The following TRRAP variants were observed in gnomAD, a reference collection of about 807,000 sequenced individuals.
TRRAP encodes transformation/transcription domain-associated protein.
Under a neutral mutation model 438.8 loss-of-function variants are expected in TRRAP, and 41 were observed. The observed-to-expected ratio is 0.09, with a 90% CI of 0.07 to 0.12. The LOEUF is 0.12. TRRAP is among the 10% of genes least tolerant of loss of function. The pLI, the probability that TRRAP is intolerant of heterozygous loss-of-function variation, is 1.00. For synonymous variants in TRRAP, 1,994 were observed against 1,962.9 expected, an observed-to-expected ratio of 1.02 and a Z score of -0.42; for missense variants, 3,122 against 5,055.1, an observed-to-expected ratio of 0.62 and a Z score of 11.60.
In TRRAP at chr7:98,994,467, C is replaced by T; in HGVS notation, c.10048-120C>T. 7.0e-7 allele frequency: 1 copy of T among 1,420,698 alleles called. No homozygotes were observed. The highest frequency in any genetic ancestry group is 2.3e-5 in the East Asian group (1 of 43,796). 88.0% of individuals were successfully genotyped at this position (1,420,698 alleles called of 1,614,324 possible). On this transcript the variant is annotated intron_variant, in intron 66 of 72. Coordinates refer to ENST00000456197, the MANE Select transcript of TRRAP (RefSeq NM_001375524.1). The surrounding 1 kb of genome is among the most constrained non-coding windows in gnomAD (Gnocchi z 4.8). ...ATTTCATGCCTGCTGTGTGTGGGTC[C>T]TGCCGGGGAGTGCAGAGATGACCCT...
chr7:98,908,209 C>G lies in TRRAP; in HGVS notation c.1116-519C>G, dbSNP rs1482316123. 6.6e-6 allele frequency among the ~76,000 whole-genome samples: 1 copy of G among 152,206 alleles called. No homozygotes were observed. The highest frequency in any genetic ancestry group is 2.4e-5 in the African/African-American group (1 of 41,450). On this transcript the variant is annotated intron_variant, in intron 13 of 72. Transcript: ENST00000456197. This position sits in a 1 kb window ranked among gnomAD's most constrained non-coding sequence, Gnocchi z 4.1. ...TAGCTTATTTCTTTACTTGTGTGTT[C>G]TCTGCTGTAAGTAAGCTTCCTGAGG...
At chr7:98,958,219 C>A (rs1455243233) in intron 44 of TRRAP, 128 bp downstream of exon 44, 2 of 757,936 alleles carry the variant, frequency 2.6e-6, no homozygotes, top group Non-Finnish European at 2.1e-6. Flanking sequence ...CCAGCTGGTT[C>A]TGTCATTTTC....
chr7:99,011,940 T>C lies in TRRAP; in HGVS notation c.11338-131T>C. The C allele has an allele frequency of 2.5e-6, 3 of 1,202,748 alleles. No individual in the cohort carries two copies. The highest frequency in any genetic ancestry group is 3.5e-6 in the Non-Finnish European group (3 of 866,316). 74.5% of individuals were successfully genotyped at this position (1,202,748 alleles called of 1,614,324 possible). Reference sequence around the variant, plus strand: ...CGTCCTGAGGGCACACAGCCTGGCCTGGTGCTGAAACTCGACTGGCCCTTG... The same window carrying C: ...CGTCCTGAGGGCACACAGCCTGGCCCGGTGCTGAAACTCGACTGGCCCTTG... On this transcript the variant is annotated intron_variant, in intron 72 of 72. Transcript: ENST00000456197. This position sits in a 1 kb window ranked among gnomAD's most constrained non-coding sequence, Gnocchi z 7.1.
intron 3 of TRRAP, among the ~76,000 whole-genome samples, chr7:98,883,248 T>G (rs1795543697): frequency 6.6e-6 from 1 of 152,210 alleles, no homozygotes. Context: ...CTTGCTGGGT[T>G]TTTCTTAGAA....
At chr7:98,893,703 G>C in intron 5 of TRRAP, 95 bp from the exon 6 acceptor site, 3 of 1,075,404 alleles carry the variant, frequency 2.8e-6, no homozygotes, top group Non-Finnish European at 4.2e-6. Flanking sequence ...TCCAATAGTT[G>C]GTTGATGGAA....
Position 99,005,188 on chromosome 7 carries a change from C to T in TRRAP, c.10593C>T (p.Tyr3531=), listed in dbSNP as rs201466812. The T allele has an allele frequency of 1.3e-5, 21 of 1,613,684 alleles. No individual in the cohort carries two copies. The highest frequency in any genetic ancestry group is 5.5e-5 in the South Asian group (5 of 91,082). The change falls in exon 69 of 73, where the codon TAC becomes TAT. Residue 3531 remains tyrosine, a synonymous_variant. Transcript: ENST00000456197. The surrounding 1 kb of genome is among the most constrained non-coding windows in gnomAD (Gnocchi z 5.1). ...QKHNTAARRL[Y]IRGHNGKIYP... is the part of the protein sequence containing the mutation. The stretch of plus-strand genomic sequence containing the variant: ...ACAACACCGCAGCCCGGCGGCTGTA[C>T]ATCCGGGGACACAATGGCAAGATCT...
chr7:98,954,086 G>A (rs949471777), intron 40 of TRRAP, among the ~76,000 whole-genome samples: 20 of 152,184 alleles, frequency 1.3e-4, no homozygotes, highest in African/African-American at 3.1e-4. Context: ...TTTTGGATCC[G>A]TATCTCATGA....
Position 99,012,390 on chromosome 7 carries a change from C to T in TRRAP, c.*35C>T, listed in dbSNP as rs781251503. ...CCACGGCCACCCGGAATGTGAAGGGCGCTCCGGGCTCTGAGCCCGCAGCTT... is the reference window on the plus strand; with the variant it reads ...CCACGGCCACCCGGAATGTGAAGGGTGCTCCGGGCTCTGAGCCCGCAGCTT... On this transcript the variant is annotated 3_prime_UTR_variant, in exon 73 of 73. Transcript: ENST00000456197. This position sits in a 1 kb window ranked among gnomAD's most constrained non-coding sequence, Gnocchi z 5.9. The T allele has an allele frequency of 1.9e-5, 29 of 1,549,458 alleles. No homozygotes were observed. Among genetic ancestry groups the T allele is most frequent in the South Asian group, 9.5e-5 (8 of 84,556 alleles).
chr7:98,937,332 GTA>G, intron 29 of TRRAP, 55 bp downstream of exon 29: 2 of 1,571,346 alleles, frequency 1.3e-6, no homozygotes, highest in Non-Finnish European at 1.7e-6. Context: ...ACATGTGTGT[GTA>G]CTCTGCATTA....
Position 98,948,747 on chromosome 7 carries a change from T to C in TRRAP, c.4788+62T>C. On this transcript the variant is annotated intron_variant, in intron 35 of 72. Coordinates refer to ENST00000456197, the MANE Select transcript of TRRAP (RefSeq NM_001375524.1). The surrounding 1 kb of genome is among the most constrained non-coding windows in gnomAD (Gnocchi z 4.9). ...CAAATGCTTGTGAGCTGTCGTGCTCTGAAATGTTCAGTTCATATTTCACTA... is the reference window on the plus strand; with the variant it reads ...CAAATGCTTGTGAGCTGTCGTGCTCCGAAATGTTCAGTTCATATTTCACTA... 1 of 1,610,784 alleles carries C rather than the reference T, an allele frequency of 6.2e-7. No individual in the cohort carries two copies. Among genetic ancestry groups the C allele is most frequent in the Non-Finnish European group, 8.5e-7 (1 of 1,178,680 alleles).
chr7:98,948,694 T>C lies in TRRAP; in HGVS notation c.4788+9T>C. ...GGAGCAGAATGTTTATGGTAAGAGC[T>C]GTGAGCAGCTGGAGTCAGGGGTCCC... On this transcript the variant is annotated intron_variant, in intron 35 of 72. Coordinates refer to ENST00000456197, the MANE Select transcript of TRRAP (RefSeq NM_001375524.1). The surrounding 1 kb of genome is among the most constrained non-coding windows in gnomAD (Gnocchi z 4.9). 1 of 1,614,192 alleles carries C rather than the reference T, an allele frequency of 6.2e-7. No homozygotes were observed. The highest frequency in any genetic ancestry group is 8.5e-7 in the Non-Finnish European group (1 of 1,180,040).
At chr7:98,928,068 G>A (rs951843023) in intron 23 of TRRAP, among the ~76,000 whole-genome samples, 13 of 152,012 alleles carry the variant, frequency 8.6e-5, no homozygotes, top group African/African-American at 3.1e-4. Flanking sequence ...GAGAAATCCC[G>A]TCTCTACTAA....
intron 51 of TRRAP, among the ~76,000 whole-genome samples, chr7:98,968,371 G>A (rs992822337): frequency 1.3e-5 from 2 of 152,202 alleles, no homozygotes; most frequent in Admixed American, 6.5e-5. Flanking sequence ...GCCTGACCAC[G>A]CTGTCGGTTT....
intron 67 of TRRAP, among the ~76,000 whole-genome samples, chr7:99,000,537 ACT>A (rs1481271669): frequency 6.6e-6 from 1 of 152,110 alleles, no homozygotes; most frequent in Non-Finnish European, 1.5e-5. Flanking sequence ...TCCAGGCCAC[ACT>A]CTGCGCACTC....
chr7:98,903,840 A>G (rs1796583047), intron 12 of TRRAP, among the ~76,000 whole-genome samples: 3 of 152,140 alleles, frequency 2.0e-5, no homozygotes, highest in Admixed American at 2.0e-4. Flanking sequence ...TCTTACGTGG[A>G]TGGTGGCCCG....
At chr7:99,008,013 A>G (rs1049990889) in intron 69 of TRRAP, among the ~76,000 whole-genome samples, 1 of 151,278 alleles carries the variant, frequency 6.6e-6, no homozygotes, top group African/African-American at 2.4e-5. Context: ...TTTAGTAGAG[A>G]CGAGGTTTCA....
Position 99,008,576 on chromosome 7 carries a change from G to A in TRRAP, c.10938+15G>A, listed in dbSNP as rs559501909. On this transcript the variant is annotated intron_variant, in intron 70 of 72. Transcript: ENST00000456197. ...CCAGCCACCAGGTAGCAGTGGGGCCGGGCCGGGGGCCGAGCTGCCGCCTGC... is the reference window on the plus strand; with the variant it reads ...CCAGCCACCAGGTAGCAGTGGGGCCAGGCCGGGGGCCGAGCTGCCGCCTGC... 9.6e-5 allele frequency: 155 copies of A among 1,611,110 alleles called. No homozygotes were observed. The highest frequency in any genetic ancestry group is 8.2e-4 in the South Asian group (75 of 90,928).
At chr7:98,965,177 G>C (rs1224342737) in intron 48 of TRRAP, among the ~76,000 whole-genome samples, 1 of 152,276 alleles carries the variant, frequency 6.6e-6, no homozygotes, top group Non-Finnish European at 1.5e-5. Flanking sequence ...TTTAAAGTCT[G>C]TGAGTGTAAG....
chr7:98,895,671 T>TA (rs1796163779), intron 6 of TRRAP, 93 bp from the exon 7 acceptor site: 7 of 1,103,524 alleles, frequency 6.3e-6, no homozygotes, highest in Non-Finnish European at 8.9e-6. Context: ...TATGAGTTCT[T>TA]ACGTAGTAAG....
Sources: allele counts gnomAD v4.1 joint callset (sites outside exome capture counted in the v4.1 genomes callset), GRCh38; gene constraint gnomAD v4.1.1; non-coding constraint Gnocchi (gnomAD v3.1); transcripts MANE v1.5; gene names NCBI Gene and HGNC (gene_info 2026-07-23, HGNC 2026-07-21).